Variants in RYR3 observed in about 807,000 individuals in gnomAD.
RYR3 encodes ryanodine receptor 3.
A neutral mutation model predicts 584.3 loss-of-function variants in RYR3; 207 were observed. The observed-to-expected ratio is 0.35, with a 90% CI of 0.32 to 0.40. The LOEUF (loss-of-function observed/expected upper bound fraction) is 0.40. Among genes scored for constraint, RYR3 ranks in the 10% least tolerant of loss-of-function variants. The pLI is 1.00. For synonymous variants in RYR3, 2,416 were observed against 2,248.5 expected (o/e 1.07, Z -2.11); for missense variants, 5,616 against 6,089.2 (o/e 0.92, Z 2.59).
chr15:33,860,492 T>C (rs1007721139), intron 100 of RYR3, 103 bp from the exon 101 acceptor site: 5 of 652,422 alleles, frequency 7.7e-6, no homozygotes, highest in Non-Finnish European at 1.3e-5. Context: ...GCTTTGATAA[T>C]TCACTTTTTT....
chr15:33,564,953 T>C (rs184910392), intron 11 of RYR3, among the ~76,000 whole-genome samples: 3 of 152,338 alleles, frequency 2.0e-5, no homozygotes. Context: ...TGTTATGTTT[T>C]ATGAAATGAA....
chr15:33,861,041 GC>G (rs757151813), intron 101 of RYR3, 36 bp from the exon 102 acceptor site: 23 of 1,427,082 alleles, frequency 1.6e-5, no homozygotes, highest in Non-Finnish European at 2.1e-5. Context: ...CCTATATTAT[GC>G]CAACAAATGC....
intron 32 of RYR3, among the ~76,000 whole-genome samples, chr15:33,657,053 C>T (rs1244114889): frequency 6.6e-6 from 1 of 152,222 alleles, no homozygotes; most frequent in Admixed American, 6.5e-5. Flanking sequence ...CTGCTTACCA[C>T]ACCACCAATT....
chr15:33,534,819 G>A (rs576579700), intron 5 of RYR3, among the ~76,000 whole-genome samples: 32 of 152,302 alleles, frequency 2.1e-4, no homozygotes, highest in African/African-American at 7.7e-4. Context: ...GATATCGGGT[G>A]CTCCCTGTGG....
intron 1 of RYR3, among the ~76,000 whole-genome samples, chr15:33,335,152 A>G (rs530194190): frequency 6.6e-6 from 1 of 152,352 alleles, no homozygotes; most frequent in South Asian, 2.1e-4. Context: ...CAGAAATACC[A>G]TTCAACTCAG....
chr15:33,761,782 C>T (rs982452131), intron 60 of RYR3, among the ~76,000 whole-genome samples: 1 of 152,192 alleles, frequency 6.6e-6, no homozygotes, highest in Non-Finnish European at 1.5e-5. Context: ...GGTACCAAAA[C>T]CTGGCAGAGA....
At chr15:33,669,882 T>TGTGTGG (rs2063736552) in intron 37 of RYR3, among the ~76,000 whole-genome samples, 1 of 92,386 alleles carries the variant, frequency 1.1e-5, no homozygotes, top group Admixed American at 1.2e-4. Context: ...GTGTGTGTGG[T>TGTGTGG]GTGTGTGTGT....
At chr15:33,507,614 A>G (rs1270313026) in intron 3 of RYR3, among the ~76,000 whole-genome samples, 1 of 152,200 alleles carries the variant, frequency 6.6e-6, no homozygotes, top group East Asian at 1.9e-4. Flanking sequence ...TCAGCAGGAC[A>G]TGGAGCCAAA....
At chr15:33,686,128 C>A (rs1324865993) in intron 38 of RYR3, among the ~76,000 whole-genome samples, 1 of 152,042 alleles carries the variant, frequency 6.6e-6, no homozygotes, top group Non-Finnish European at 1.5e-5. Context: ...ACACAAAAAA[C>A]CCTTCAAAAA....
At chr15:33,781,403 G>A (rs1475177521) in intron 65 of RYR3, among the ~76,000 whole-genome samples, 1 of 152,122 alleles carries the variant, frequency 6.6e-6, no homozygotes, top group Non-Finnish European at 1.5e-5. Context: ...TTAAAATATT[G>A]CTATACACTA....
chr15:33,769,023 G>T (rs544636843), intron 61 of RYR3, 89 bp from the exon 62 acceptor site: 32 of 960,720 alleles, frequency 3.3e-5, no homozygotes, highest in South Asian at 1.2e-4. Flanking sequence ...AATTACGCTG[G>T]GGCTGTGGCT....
At chr15:33,540,070 C>G (rs888586942) in intron 6 of RYR3, among the ~76,000 whole-genome samples, 2 of 152,020 alleles carry the variant, frequency 1.3e-5, no homozygotes, top group African/African-American at 4.8e-5. Flanking sequence ...TCATGGTGTC[C>G]GGAACTAACC....
chr15:33,404,112 T>G (rs1329142735), intron 1 of RYR3, among the ~76,000 whole-genome samples: 2 of 152,222 alleles, frequency 1.3e-5, no homozygotes, highest in Non-Finnish European at 2.9e-5. Flanking sequence ...AAAATAACAG[T>G]TAGCTTACAT....
At chr15:33,360,267 T>C (rs1217642825) in intron 1 of RYR3, among the ~76,000 whole-genome samples, 1 of 149,674 alleles carries the variant, frequency 6.7e-6, no homozygotes, top group East Asian at 2.0e-4. Context: ...CCACAGTCAG[T>C]CCCTGCCCAT....
intron 94 of RYR3, 160 bp from the exon 95 acceptor site, chr15:33,852,885 C>A: frequency 1.6e-6 from 1 of 643,774 alleles, no homozygotes. Flanking sequence ...TCAGTAGAGC[C>A]TGTGATGACT....
chr15:33,343,196 A>C (rs1042865859), intron 1 of RYR3, among the ~76,000 whole-genome samples: 1 of 152,230 alleles, frequency 6.6e-6, no homozygotes, highest in Non-Finnish European at 1.5e-5. Flanking sequence ...AATAAGTAAA[A>C]GAATCTGTTT....
chr15:33,800,494 C>T (rs1024463615), intron 67 of RYR3, among the ~76,000 whole-genome samples: 17 of 152,242 alleles, frequency 1.1e-4, no homozygotes, highest in East Asian at 7.7e-4. Context: ...TTTGAAATGT[C>T]GATTTCTGAC....
chr15:33,395,976 G>A (rs1452282436), intron 1 of RYR3, among the ~76,000 whole-genome samples: 2 of 152,160 alleles, frequency 1.3e-5, no homozygotes, highest in East Asian at 1.9e-4. Context: ...ACAGAGGGCC[G>A]ACTGTTTTTA....
At chr15:33,427,391 G>A (rs969537195) in intron 1 of RYR3, among the ~76,000 whole-genome samples, 4 of 152,194 alleles carry the variant, frequency 2.6e-5, no homozygotes, top group African/African-American at 9.7e-5. Flanking sequence ...GGAAGATCAT[G>A]TGAGCCCAGG....
Sources: allele counts gnomAD v4.1 joint callset (sites outside exome capture counted in the v4.1 genomes callset), GRCh38; gene constraint gnomAD v4.1.1; transcripts MANE v1.5; gene names NCBI Gene and HGNC (gene_info 2026-07-23, HGNC 2026-07-21).